GALNT13: variants seen among roughly 807,000 people sequenced by gnomAD.
GALNT13 encodes the protein UDP-GalNAc:polypeptide N-acetylgalactosaminyltransferase 13.
Under a neutral mutation model 64.2 loss-of-function variants are expected in GALNT13, and 28 were observed. The ratio of observed to expected loss-of-function variants is 0.44; its 90% CI spans 0.32 to 0.60. The LOEUF is 0.60. Ranked by LOEUF, GALNT13 falls within the 20% of genes least tolerant of loss-of-function variation. The probability of loss-of-function intolerance (pLI) is 0.05; values close to 1 mark genes in which losing one functional copy is unlikely to be tolerated. For missense variants in GALNT13, 577 were observed against 669.8 expected, an observed-to-expected ratio of 0.86 and a Z score of 1.53; for synonymous variants, 214 against 224.6, an observed-to-expected ratio of 0.95 and a Z score of 0.42.
At chr2:154,366,506 C>G (rs983907219) in intron 9 of GALNT13, among the ~76,000 whole-genome samples, 1 of 152,120 alleles carries the variant, frequency 6.6e-6, no homozygotes, top group Non-Finnish European at 1.5e-5. Flanking sequence ...ATTGAGTAAA[C>G]CAACTGACAT....
chr2:153,180,077 G>A, the GALNT13 span, among the ~76,000 whole-genome samples: 1 of 152,124 alleles, frequency 6.6e-6, no homozygotes, highest in African/African-American at 2.4e-5. Context: ...GAATAGAAAT[G>A]CTGAGAGTGG....
the GALNT13 span, among the ~76,000 whole-genome samples, chr2:153,695,825 G>C: frequency 0.86 from 131,108 of 152,126 alleles, 56,566 homozygotes; most frequent in East Asian, 0.97. Flanking sequence ...TTAACTGTAT[G>C]ATGTTAGGCA....
chr2:153,874,761 A>T (rs1192252197), intron 1 of GALNT13, among the ~76,000 whole-genome samples: 1 of 152,036 alleles, frequency 6.6e-6, no homozygotes, highest in East Asian at 1.9e-4. Flanking sequence ...AGTAGAAGGG[A>T]TATTGAAACA....
chr2:154,108,900 C>T (rs966723921), intron 3 of GALNT13, among the ~76,000 whole-genome samples: 1 of 151,940 alleles, frequency 6.6e-6, no homozygotes, highest in South Asian at 2.1e-4. Flanking sequence ...ATAGATCATA[C>T]GTGTGTGGGT....
At chr2:153,540,076 T>C in the GALNT13 span, among the ~76,000 whole-genome samples, 1 of 152,192 alleles carries the variant, frequency 6.6e-6, no homozygotes, top group African/African-American at 2.4e-5. Context: ...TCAGGGACCT[T>C]TATGGCAGCC....
At chr2:153,787,950 A>G in the GALNT13 span, among the ~76,000 whole-genome samples, 1 of 152,218 alleles carries the variant, frequency 6.6e-6, no homozygotes, top group Non-Finnish European at 1.5e-5. Context: ...TAAAGAAGCC[A>G]AATCTACAAA....
At chr2:154,070,902 G>A (rs1408407518) in intron 3 of GALNT13, among the ~76,000 whole-genome samples, 1 of 151,060 alleles carries the variant, frequency 6.6e-6, no homozygotes, top group Non-Finnish European at 1.5e-5. Flanking sequence ...TTGACAGAGT[G>A]AGACTCTGTT....
chr2:154,364,574 G>A (rs1697254908), intron 9 of GALNT13, among the ~76,000 whole-genome samples: 1 of 152,188 alleles, frequency 6.6e-6, no homozygotes, highest in Admixed American at 6.5e-5. Context: ...ATCTAACACA[G>A]TATTTTAGAA....
chr2:153,417,864 A>C, the GALNT13 span, among the ~76,000 whole-genome samples: 1 of 152,188 alleles, frequency 6.6e-6, no homozygotes, highest in Non-Finnish European at 1.5e-5. Flanking sequence ...AAAAGCCATA[A>C]TATCAGATAT....
chr2:154,297,297 A>G (rs2105973944), intron 8 of GALNT13, among the ~76,000 whole-genome samples: 1 of 152,348 alleles, frequency 6.6e-6, no homozygotes, highest in South Asian at 2.1e-4. Context: ...TTGACAGATA[A>G]GAGATGCTGG....
At chr2:153,392,793 A>G in the GALNT13 span, among the ~76,000 whole-genome samples, 2 of 151,996 alleles carry the variant, frequency 1.3e-5, no homozygotes. Flanking sequence ...CCCAAAGTTT[A>G]TATGTTAAAA....
At chr2:153,893,049 G>T (rs569521644) in intron 1 of GALNT13, among the ~76,000 whole-genome samples, 16 of 152,074 alleles carry the variant, frequency 1.1e-4, no homozygotes, top group African/African-American at 3.9e-4. Context: ...AGAGATCTTG[G>T]ATTCTTGCAT....
the GALNT13 span, among the ~76,000 whole-genome samples, chr2:153,862,015 C>T: frequency 3.4e-4 from 51 of 152,228 alleles, no homozygotes; most frequent in African/African-American, 1.2e-3. Context: ...TTTAACCACT[C>T]TAATCCCAAA....
At chr2:153,823,276 A>T in the GALNT13 span, among the ~76,000 whole-genome samples, 1 of 152,300 alleles carries the variant, frequency 6.6e-6, no homozygotes, top group East Asian at 1.9e-4. Flanking sequence ...AAACATATTC[A>T]AAAATTCATA....
intron 3 of GALNT13, among the ~76,000 whole-genome samples, chr2:154,051,131 G>T (rs1034873227): frequency 2.6e-5 from 4 of 152,126 alleles, no homozygotes; most frequent in Non-Finnish European, 4.4e-5. Context: ...TGGATCAGTG[G>T]TTGTCTTAGT....
intron 9 of GALNT13, among the ~76,000 whole-genome samples, chr2:154,358,139 T>C (rs1348633680): frequency 2.6e-5 from 4 of 152,116 alleles, no homozygotes; most frequent in Non-Finnish European, 5.9e-5. Flanking sequence ...ACAAATTACA[T>C]GTGCTACACA....
At chr2:153,519,982 G>A in the GALNT13 span, among the ~76,000 whole-genome samples, 1 of 152,194 alleles carries the variant, frequency 6.6e-6, no homozygotes, top group South Asian at 2.1e-4. Flanking sequence ...GCTTTGATTG[G>A]CTATTACTAA....
the GALNT13 span, among the ~76,000 whole-genome samples, chr2:153,302,533 G>T: frequency 6.6e-6 from 1 of 152,070 alleles, no homozygotes; most frequent in East Asian, 1.9e-4. Flanking sequence ...TCTTCAGTCT[G>T]TTGATTGTTT....
chr2:153,309,275 T>C, the GALNT13 span, among the ~76,000 whole-genome samples: 2 of 152,150 alleles, frequency 1.3e-5, no homozygotes, highest in Non-Finnish European at 2.9e-5. Flanking sequence ...GGCACACAAG[T>C]GTACCCTTTA....
Sources: allele counts gnomAD v4.1 joint callset (sites outside exome capture counted in the v4.1 genomes callset), GRCh38; gene constraint gnomAD v4.1.1; transcripts MANE v1.5; gene names NCBI Gene and HGNC (gene_info 2026-07-23, HGNC 2026-07-21).